DYDC2: variants seen among roughly 807,000 people sequenced by gnomAD.
DYDC2 encodes DPY30 domain-containing protein 2.
DYDC2 carries 19 observed loss-of-function variants against 18.7 expected under a neutral mutation model. The observed-to-expected ratio is 1.02, with a 90% CI of 0.71 to 1.49. The LOEUF (loss-of-function observed/expected upper bound fraction) is 1.49. Ranked by LOEUF, DYDC2 falls within the 40% of genes most tolerant of loss-of-function variation. The pLI, the probability that DYDC2 is intolerant of heterozygous loss-of-function variation, is 0.00. For synonymous variants in DYDC2, 63 were observed against 67.6 expected (o/e 0.93, Z 0.34); for missense variants, 179 against 205.1 (o/e 0.87, Z 0.78).
At chr10:80,361,062 C>T (rs1311349043) in intron 2 of DYDC2, among the ~76,000 whole-genome samples, 1 of 152,146 alleles carries the variant, frequency 6.6e-6, no homozygotes. Flanking sequence ...CGTGCACCAC[C>T]ATGCCCAGCT....
At chr10:80,358,106 G>C in intron 2 of DYDC2, 61 bp downstream of exon 2, 6 of 975,066 alleles carry the variant, frequency 6.2e-6, no homozygotes, top group Non-Finnish European at 7.3e-6. Flanking sequence ...GCCAGGCGCG[G>C]TGGCTCACCG....
At chr10:80,366,540 G>T in intron 4 of DYDC2, 148 bp from the exon 5 acceptor site, 1 of 887,786 alleles carries the variant, frequency 1.1e-6, no homozygotes, top group East Asian at 2.5e-5. Context: ...TGATCCTATA[G>T]GTTTGGTTTT....
At chr10:80,352,032 A>G (rs111811029), upstream of DYDC2, 4 of 1,604,398 alleles carry the variant, frequency 2.5e-6, no homozygotes, top group Non-Finnish European at 3.4e-6. Context: ...ACAGCACACG[A>G]CTTCTTAGCG....
upstream of DYDC2, chr10:80,352,442 G>T (rs1843052867): frequency 6.4e-7 from 1 of 1,572,274 alleles, no homozygotes; most frequent in African/African-American, 1.4e-5. Context: ...CCTAGAAGGA[G>T]ATTCCTACTT....
intron 2 of DYDC2, among the ~76,000 whole-genome samples, chr10:80,360,554 A>G (rs1843633361): frequency 6.6e-6 from 1 of 152,170 alleles, no homozygotes; most frequent in Admixed American, 6.5e-5. Context: ...TGACATATTC[A>G]TAGTTTCCAG....
Position 80,367,098 on chromosome 10 carries a change from T to A in DYDC2, c.*147T>A. 1.1e-6 allele frequency: 1 copy of A among 874,880 alleles called. No homozygotes were observed. Among genetic ancestry groups the A allele is most frequent in the Non-Finnish European group, 1.7e-6 (1 of 578,094 alleles). The allele number at this position is 874,880 out of a possible 1,614,324, so 54.2% of individuals were successfully genotyped here. On this transcript the variant is annotated 3_prime_UTR_variant, in exon 5 of 5. Coordinates refer to ENST00000256039, the MANE Select transcript of DYDC2 (RefSeq NM_032372.6). The stretch of plus-strand genomic sequence containing the variant: ...CTTTTCTGAAAAACCCTTAATCATG[T>A]GAACATTTGAACTAGTTATAGGATA...
At chr10:80,365,597 A>G (rs978923179) in intron 4 of DYDC2, among the ~76,000 whole-genome samples, 1 of 152,228 alleles carries the variant, frequency 6.6e-6, no homozygotes, top group Non-Finnish European at 1.5e-5. Flanking sequence ...GACCTGTACA[A>G]CTTCCAGGCA....
intron 2 of DYDC2, among the ~76,000 whole-genome samples, chr10:80,359,822 C>T (rs993239175): frequency 1.3e-5 from 2 of 152,306 alleles, no homozygotes; most frequent in South Asian, 2.1e-4. Context: ...CCGGAACTTG[C>T]GCTGGCCTGC....
intron 2 of DYDC2, among the ~76,000 whole-genome samples, chr10:80,358,825 T>C (rs891960223): frequency 5.3e-5 from 8 of 152,274 alleles, no homozygotes; most frequent in Admixed American, 3.3e-4. Flanking sequence ...CAGTGAGTAT[T>C]ACAGTTCTTA....
At chr10:80,363,438 G>A (rs1160834125) in intron 4 of DYDC2, among the ~76,000 whole-genome samples, 4 of 139,316 alleles carry the variant, frequency 2.9e-5, no homozygotes, top group South Asian at 2.3e-4. Flanking sequence ...TCTGCCTCCT[G>A]GGTTCAAGTG....
At chr10:80,362,196 T>G (rs181069146) in intron 2 of DYDC2, among the ~76,000 whole-genome samples, 2 of 152,226 alleles carry the variant, frequency 1.3e-5, no homozygotes, top group African/African-American at 4.8e-5. Flanking sequence ...GGAATTAAAA[T>G]GTGTCAACTT....
At chr10:80,349,601 G>T (rs1460502499) in intron 1 of DYDC2, among the ~76,000 whole-genome samples, 1 of 152,110 alleles carries the variant, frequency 6.6e-6, no homozygotes. Context: ...AAAGTGATGG[G>T]GTAGGTAGCT....
intron 4 of DYDC2, among the ~76,000 whole-genome samples, chr10:80,365,191 G>T (rs949490704): frequency 1.3e-5 from 2 of 152,136 alleles, no homozygotes; most frequent in Non-Finnish European, 2.9e-5. Flanking sequence ...TTGGATACAG[G>T]TTAGCAAGTC....
At chr10:80,356,883 G>A in intron 1 of DYDC2, 58 bp downstream of exon 1, 5 of 983,512 alleles carry the variant, frequency 5.1e-6, no homozygotes, top group Non-Finnish European at 6.0e-6. Context: ...AGAGGAGAGG[G>A]CGTGCAGGAG....
rs757379749 is a variant in DYDC2, at chr10:80,366,739, G to A, written c.322G>A (p.Asp108Asn). 1.9e-6 allele frequency: 3 copies of A among 1,613,916 alleles called. No individual in the cohort carries two copies. Among genetic ancestry groups the A allele is most frequent in the Admixed American group, 1.7e-5 (1 of 59,984 alleles). Residue 108 changes from aspartate to asparagine, a missense_variant, in exon 5 of 5, where the codon GAC (aspartate) becomes AAC (asparagine). Asp to Asn is a conservative substitution (Grantham distance 23). Transcript: ENST00000256039. ...GAAGAAGACCATATTCATGCAGGAG[G>A]ACACAAACCCCCTTGAGAAGGAGGC... is the stretch of plus-strand genomic sequence containing the variant. ...STKKTIFMQEDTNPLEKEALK... is the reference protein window; with the variant it reads ...STKKTIFMQENTNPLEKEALK...
chr10:80,347,108 CTAAT>C (rs1342740567), intron 1 of DYDC2, among the ~76,000 whole-genome samples: 1 of 151,636 alleles, frequency 6.6e-6, no homozygotes, highest in Non-Finnish European at 1.5e-5. Flanking sequence ...AGCAGCCATC[CTAAT>C]AGGGGCGAGG....
chr10:80,353,623 G>A (rs990084213), upstream of DYDC2, among the ~76,000 whole-genome samples: 7 of 150,768 alleles, frequency 4.6e-5, no homozygotes, highest in African/African-American at 7.3e-5. Context: ...AGGCCGAGGC[G>A]GGCGGATCAC....
intron 3 of DYDC2, 67 bp from the exon 4 acceptor site, chr10:80,362,884 T>G: frequency 1.3e-6 from 2 of 1,568,086 alleles, no homozygotes; most frequent in South Asian, 1.2e-5. Context: ...CAGTCCCCAG[T>G]GAGGGGGCCC....
upstream of DYDC2, chr10:80,356,323 G>T: frequency 2.0e-6 from 2 of 985,622 alleles, no homozygotes; most frequent in Non-Finnish European, 2.4e-6. Context: ...CGTGAAGAAG[G>T]TGCCACAGAG....
Sources: gnomAD v4.1 joint callset for allele counts (sites outside exome capture counted in the v4.1 genomes callset) on GRCh38, gnomAD v4.1.1 for gene constraint, MANE v1.5 for transcripts, NCBI Gene and HGNC (gene_info 2026-07-23, HGNC 2026-07-21) for gene names.